Variants in ROPN1 observed in about 807,000 individuals in gnomAD.
ROPN1 encodes rhophilin associated tail protein 1.
In ROPN1, 14 loss-of-function variants were observed where a neutral mutation model predicts 20.5. That is an observed-to-expected ratio of 0.68 (90% CI 0.45 to 1.07). The LOEUF is 1.07. Among genes scored for constraint, ROPN1 ranks in the 50% least tolerant of loss-of-function variants. ROPN1 has a pLI of 0.00. For synonymous variants in ROPN1, 76 were observed against 95.7 expected, an observed-to-expected ratio of 0.79 and a Z score of 1.20; for missense variants, 169 against 242.8, an observed-to-expected ratio of 0.70 and a Z score of 2.02.
rs560787858 is a variant in ROPN1 at position 123,984,455 on chromosome 3, A to T, written c.-12-3962T>A. Among the ~76,000 whole-genome samples the T allele has an allele frequency of 2.6e-5, 4 of 152,188 alleles. No homozygotes were observed. The South Asian group carries it at 8.3e-4, about 32-fold the overall frequency. The stretch of plus-strand genomic sequence containing the variant: ...CTATTTCCTTTGAAATGTGTCTTCA[A>T]TTAATCCCTTTCTATTTCTACTCCT... On this transcript the variant is annotated intron_variant, in intron 1 of 5. Transcript: ENST00000405845.
intron 1 of ROPN1, among the ~76,000 whole-genome samples, chr3:123,991,674 C>G: frequency 9.3e-6 from 1 of 108,014 alleles, no homozygotes; most frequent in South Asian, 4.1e-4. Flanking sequence ...AGCCTCCCAA[C>G]CACTGTCCTC....
intron 4 of ROPN1, among the ~76,000 whole-genome samples, chr3:123,971,025 G>C (rs1012653090): frequency 2.6e-5 from 4 of 151,310 alleles, no homozygotes; most frequent in Admixed American, 2.0e-4. Flanking sequence ...AGATCTTGGT[G>C]GTTTACTGAA....
intron 1 of ROPN1, among the ~76,000 whole-genome samples, chr3:123,981,712 C>T (rs2038152980): frequency 6.6e-6 from 1 of 152,172 alleles, no homozygotes. Context: ...AATCCCAAGA[C>T]AAGAAACTAA....
chr3:123,983,484 A>C (rs1323305869), intron 1 of ROPN1, among the ~76,000 whole-genome samples: 1 of 152,222 alleles, frequency 6.6e-6, no homozygotes, highest in East Asian at 1.9e-4. Flanking sequence ...CTAATTAAGG[A>C]AGCTTCCATG....
At chr3:123,978,316 G>T (rs1035119584) in intron 2 of ROPN1, among the ~76,000 whole-genome samples, 11 of 152,190 alleles carry the variant, frequency 7.2e-5, no homozygotes, top group African/African-American at 2.7e-4. Context: ...TGTGGCCTCA[G>T]GCTTTATAAA....
At position 123,976,749 on chromosome 3, in the gene ROPN1, A is replaced by C. The variant is rs1185011938; in HGVS notation, c.234+115T>G. The C allele has an allele frequency of 8.6e-6, 8 of 925,776 alleles. No homozygotes were observed. In the East Asian group the frequency reaches 2.0e-4, roughly 23 times the overall value. The allele number at this position is 925,776 out of a possible 1,614,324, so 57.3% of individuals were successfully genotyped here. On this transcript the variant is annotated intron_variant, in intron 3 of 5. Transcript: ENST00000405845. ...TTCAGTCCACGGTTTAGTGTATTTT[A>C]GGGTGGTGCTAAGTGGTCAGCTGAC...
At chr3:123,981,982 A>G (rs1037513380) in intron 1 of ROPN1, among the ~76,000 whole-genome samples, 50 of 152,330 alleles carry the variant, frequency 3.3e-4, no homozygotes, top group Admixed American at 2.6e-3. Context: ...TAGACAAATA[A>G]CATGGTAGAA....
At chr3:123,973,067 C>T (rs1000147937) in intron 4 of ROPN1, among the ~76,000 whole-genome samples, 12 of 152,062 alleles carry the variant, frequency 7.9e-5, no homozygotes, top group East Asian at 1.9e-4. Flanking sequence ...ATGAGGGCTC[C>T]ACCCTCATGA....
chr3:123,969,028 A>G lies in ROPN1; in HGVS notation c.*127T>C. 1 of 761,664 alleles carries G rather than the reference A, an allele frequency of 1.3e-6. No individual in the cohort carries two copies. Among genetic ancestry groups the G allele is most frequent in the African/African-American group, 1.8e-5 (1 of 57,068 alleles). 47.2% of individuals were successfully genotyped at this position (761,664 alleles called of 1,614,324 possible). On this transcript the variant is annotated 3_prime_UTR_variant, in exon 6 of 6. Coordinates refer to ENST00000405845, the MANE Select transcript of ROPN1 (RefSeq NM_001317774.2). ...TAATTCTGCACATTTCTGATCTCAT[A>G]TGTTTAATTGTTTATTAGTGTGTAC...
chr3:123,977,247 A>G (rs1207760848), intron 2 of ROPN1, among the ~76,000 whole-genome samples: 1 of 152,252 alleles, frequency 6.6e-6, no homozygotes, highest in Non-Finnish European at 1.5e-5. Flanking sequence ...AAGTTTGGGT[A>G]TGCAATTCCC....
At chr3:123,991,741 A>G (rs1210099938) in intron 1 of ROPN1, among the ~76,000 whole-genome samples, 181 bp downstream of exon 1, 1 of 151,852 alleles carries the variant, frequency 6.6e-6, no homozygotes, top group Non-Finnish European at 1.5e-5. Flanking sequence ...CAAATTGGCC[A>G]GAAAGCCATA....
chr3:123,986,308 T>G (rs2038255172), intron 1 of ROPN1, among the ~76,000 whole-genome samples: 1 of 151,904 alleles, frequency 6.6e-6, no homozygotes, highest in East Asian at 1.9e-4. Context: ...TTAATAATTT[T>G]TATTAATATT....
rs150798786 is a variant in ROPN1 at position 123,977,384 on chromosome 3, G to A, written c.117-403C>T. Among the ~76,000 whole-genome samples, 953 of 152,274 alleles carry A rather than the reference G, an allele frequency of 6.3e-3. 13 individuals carry two copies. Among genetic ancestry groups the A allele is most frequent in the African/African-American group, 0.022 (896 of 41,544 alleles). ...GGAAGAGAACTAAAAAGTAATGTAC[G>A]TAAGAAAGGGGAAGGCAGCACAGGA... On this transcript the variant is annotated intron_variant, in intron 2 of 5. Coordinates refer to ENST00000405845, the MANE Select transcript of ROPN1 (RefSeq NM_001317774.2).
intron 4 of ROPN1, chr3:123,975,029 G>A: frequency 2.6e-6 from 1 of 378,528 alleles, no homozygotes; most frequent in Non-Finnish European, 5.1e-6. Context: ...TATTCTAGGT[G>A]TCTGGAAGTC....
At chr3:123,986,678 T>A (rs1327606602) in intron 1 of ROPN1, among the ~76,000 whole-genome samples, 1 of 152,176 alleles carries the variant, frequency 6.6e-6, no homozygotes, top group Non-Finnish European at 1.5e-5. Context: ...ACTACACTCT[T>A]GTGTGCTGGC....
intron 2 of ROPN1, among the ~76,000 whole-genome samples, chr3:123,978,286 A>C (rs994803083): frequency 2.3e-4 from 35 of 152,154 alleles, no homozygotes; most frequent in Non-Finnish European, 3.4e-4. Context: ...TGTGGGTGCA[A>C]TATGACAATA....
rs558718788 is a variant in ROPN1, at chr3:123,988,580, A to T, written c.-13+3342T>A. ...ACTGGCCTTTTCCAAAGCAAAACAT[A>T]GGGCTGCTATCCTTCGTAGCTAGTT... On this transcript the variant is annotated intron_variant, in intron 1 of 5. Coordinates refer to ENST00000405845, the MANE Select transcript of ROPN1 (RefSeq NM_001317774.2). Among the ~76,000 whole-genome samples, 4 of 152,278 alleles carry T rather than the reference A, an allele frequency of 2.6e-5. No homozygotes were observed. In the East Asian group the frequency reaches 7.7e-4, roughly 29 times the overall value.
intron 1 of ROPN1, among the ~76,000 whole-genome samples, chr3:123,984,680 T>G (rs949218010): frequency 6.6e-6 from 1 of 152,162 alleles, no homozygotes; most frequent in Admixed American, 6.5e-5. Flanking sequence ...CCTATAATTC[T>G]AAACTAAAAA....
At chr3:123,988,868 G>T (rs2149004767) in intron 1 of ROPN1, among the ~76,000 whole-genome samples, 1 of 151,820 alleles carries the variant, frequency 6.6e-6, no homozygotes, top group South Asian at 2.1e-4. Context: ...CTCAAAGAAG[G>T]TATAATAAGT....
Sources: allele counts gnomAD v4.1 joint callset (sites outside exome capture counted in the v4.1 genomes callset), GRCh38; gene constraint gnomAD v4.1.1; transcripts MANE v1.5; gene names NCBI Gene and HGNC (gene_info 2026-07-23, HGNC 2026-07-21).